The following SPEF2 variants were observed in gnomAD, a reference collection of about 807,000 sequenced individuals.
SPEF2 encodes the protein sperm flagellar and cilia associated 2.
In SPEF2, 187 loss-of-function variants were observed where a neutral mutation model predicts 224.6. That is an observed-to-expected ratio of 0.83 (90% CI 0.74 to 0.94). The LOEUF is 0.94. SPEF2 is among the 40% of genes least tolerant of loss of function. The pLI, the probability that SPEF2 is intolerant of heterozygous loss-of-function variation, is 0.00. For synonymous variants in SPEF2, 715 were observed against 707.3 expected, an observed-to-expected ratio of 1.01 and a Z score of -0.17; for missense variants, 2,170 against 2,135.6, an observed-to-expected ratio of 1.02 and a Z score of -0.32.
At position 35,710,678 on chromosome 5, in the gene SPEF2, A is replaced by AG. The variant is rs1282016418; in HGVS notation, c.2839+1558dup. 7.1e-6 allele frequency: 7 copies of AG among 985,356 alleles called. No homozygotes were observed. In the South Asian group the frequency reaches 2.8e-4, roughly 40 times the overall value. The allele number at this position is 985,356 out of a possible 1,614,324, so 61.0% of individuals were successfully genotyped here. A position where few individuals can be genotyped will look rare whatever the true frequency, so the allele number is the denominator to read the frequency against. ...TGACTCTAGGTTAAAGCTCCTCCTCAGCTTGCTCCAGTCAAGAGTATCTAT... is the reference window on the plus strand; with the variant it reads ...TGACTCTAGGTTAAAGCTCCTCCTCAGGCTTGCTCCAGTCAAGAGTATCTAT... On this transcript the variant is annotated intron_variant, in intron 19 of 36. Coordinates refer to ENST00000356031, the MANE Select transcript of SPEF2 (RefSeq NM_024867.4).
At chr5:35,625,245 T>C (rs757409830) in intron 1 of SPEF2, among the ~76,000 whole-genome samples, 23 of 152,222 alleles carry the variant, frequency 1.5e-4, no homozygotes, top group Non-Finnish European at 2.5e-4. Context: ...TTTACTATTG[T>C]TCTTTAACCT....
At chr5:35,760,842 TTAAAA>T (rs1457595538) in intron 25 of SPEF2, among the ~76,000 whole-genome samples, 3 of 151,990 alleles carry the variant, frequency 2.0e-5, no homozygotes, top group South Asian at 2.1e-4. Flanking sequence ...AAAGTAAGAA[TTAAAA>T]TAAAGCAATT....
At chr5:35,675,143 C>G (rs181237696) in intron 10 of SPEF2, among the ~76,000 whole-genome samples, 16 of 152,268 alleles carry the variant, frequency 1.1e-4, no homozygotes, top group Admixed American at 7.8e-4. Context: ...AGAGTAAGCA[C>G]TTGCTTATAT....
At chr5:35,634,625 A>G (rs1200254609) in intron 2 of SPEF2, among the ~76,000 whole-genome samples, 2 of 152,036 alleles carry the variant, frequency 1.3e-5, no homozygotes, top group East Asian at 3.9e-4. Context: ...TCATTCTCCA[A>G]TTATGTGTAT....
Position 35,801,843 on chromosome 5 carries a change from T to C in SPEF2, c.5010+1696T>C, listed in dbSNP as rs1205178986. Among the ~76,000 whole-genome samples the C allele has an allele frequency of 2.0e-5, 3 of 152,204 alleles. No individual in the cohort carries two copies. In the East Asian group the frequency reaches 5.8e-4, roughly 29 times the overall value. ...CTAAGCACCCTGTGGACCAGGAGTT[T>C]GGTGGGGAGGAGGCATCTGTTTTGT... On this transcript the variant is annotated intron_variant, in intron 34 of 36. Coordinates refer to ENST00000356031, the MANE Select transcript of SPEF2 (RefSeq NM_024867.4).
intron 8 of SPEF2, among the ~76,000 whole-genome samples, chr5:35,665,956 T>C (rs1185796537): frequency 6.6e-6 from 1 of 152,194 alleles, no homozygotes; most frequent in African/African-American, 2.4e-5. Context: ...CAATCCATTG[T>C]CACACATCTA....
intron 29 of SPEF2, among the ~76,000 whole-genome samples, chr5:35,777,611 C>A (rs1363212780): frequency 6.6e-6 from 1 of 151,752 alleles, no homozygotes; most frequent in African/African-American, 2.4e-5. Context: ...TGTGAATCTA[C>A]AGATGCTGTC....
chr5:35,713,868 A>G (rs1270537232), intron 20 of SPEF2, among the ~76,000 whole-genome samples: 4 of 1,890 alleles, frequency 2.1e-3, no homozygotes, highest in East Asian at 0.011. Context: ...TATATATAGT[A>G]TTATATATTT....
rs955466409 is a variant in SPEF2 at position 35,788,289 on chromosome 5, C to G, written c.4448-4051C>G. The G allele has an allele frequency of 5.7e-6, 4 of 702,674 alleles. No individual in the cohort carries two copies. The African/African-American group carries it at 7.0e-5, about 12-fold the overall frequency. 43.5% of individuals were successfully genotyped at this position (702,674 alleles called of 1,614,324 possible). A position where few individuals can be genotyped will look rare whatever the true frequency, so the allele number is the denominator to read the frequency against. Reference sequence around the variant, plus strand: ...CATGCTATTGCCAAGACCGGACGTCCCCTCAAAGATTTTATTTGGATGTGC... The same window carrying G: ...CATGCTATTGCCAAGACCGGACGTCGCCTCAAAGATTTTATTTGGATGTGC... On this transcript the variant is annotated intron_variant, in intron 30 of 36. Coordinates refer to ENST00000356031, the MANE Select transcript of SPEF2 (RefSeq NM_024867.4).
chr5:35,709,265 A>C (rs1368483037), intron 19 of SPEF2, 144 bp downstream of exon 19: 2 of 1,466,172 alleles, frequency 1.4e-6, no homozygotes, highest in Non-Finnish European at 1.8e-6. Flanking sequence ...TGGAAGTGGA[A>C]AAGCCCTCGG....
chr5:35,762,863 G>C (rs577129681), intron 25 of SPEF2, among the ~76,000 whole-genome samples: 4 of 152,278 alleles, frequency 2.6e-5, no homozygotes, highest in Admixed American at 1.3e-4. Context: ...AGGGAAGAGG[G>C]AGGGAGAGCT....
chr5:35,727,781 A>G lies in SPEF2; in HGVS notation c.3021A>G (p.Pro1007=). The G allele has an allele frequency of 6.2e-7, 1 of 1,614,030 alleles. No homozygotes were observed. The change falls in exon 21 of 37, where the codon CCA becomes CCG. Residue 1007 remains proline, a synonymous_variant. Transcript: ENST00000356031. The part of the protein sequence containing the change: ...PVAIVPQPPK[P]GSEEWVYVNE... ...CAATAGTGCCACAGCCACCTAAGCC[A>G]GGATCAGAAGAATGGGTCTATGTGA...
chr5:35,734,677 A>G (rs550928964), intron 21 of SPEF2, among the ~76,000 whole-genome samples: 2 of 148,268 alleles, frequency 1.3e-5, no homozygotes, highest in East Asian at 4.0e-4. Context: ...TCACTTCACA[A>G]CACTTAGTAT....
At chr5:35,631,654 G>A (rs1038238673) in intron 2 of SPEF2, among the ~76,000 whole-genome samples, 10 of 152,264 alleles carry the variant, frequency 6.6e-5, no homozygotes, top group South Asian at 2.1e-4. Context: ...ATAACACAAC[G>A]TTCATAGCAG....
intron 23 of SPEF2, among the ~76,000 whole-genome samples, chr5:35,746,317 G>A (rs545610169): frequency 6.6e-6 from 1 of 152,140 alleles, no homozygotes; most frequent in East Asian, 1.9e-4. Flanking sequence ...TCCAAACCAA[G>A]AAATCCCTGA....
intron 34 of SPEF2, among the ~76,000 whole-genome samples, chr5:35,805,619 A>G (rs893825035): frequency 9.9e-5 from 15 of 152,206 alleles, no homozygotes; most frequent in African/African-American, 3.1e-4. Flanking sequence ...ATTGAAACAT[A>G]CATACATACA....
chr5:35,777,726 C>T (rs1753792089), intron 29 of SPEF2, among the ~76,000 whole-genome samples: 1 of 147,972 alleles, frequency 6.8e-6, no homozygotes, highest in Non-Finnish European at 1.5e-5. Context: ...TGGCAGATCC[C>T]TTTGACCTTC....
intron 12 of SPEF2, among the ~76,000 whole-genome samples, chr5:35,693,033 C>T (rs982893943): frequency 1.3e-5 from 2 of 152,056 alleles, no homozygotes; most frequent in African/African-American, 4.8e-5. Flanking sequence ...TAGTAGCCAT[C>T]AGCTGGAGCC....
intron 20 of SPEF2, among the ~76,000 whole-genome samples, chr5:35,720,788 G>A (rs1743510240): frequency 6.6e-6 from 1 of 152,134 alleles, no homozygotes. Flanking sequence ...ACCTAAACCT[G>A]TCAAACAATC....
Sources: allele counts gnomAD v4.1 joint callset (sites outside exome capture counted in the v4.1 genomes callset), GRCh38; gene constraint gnomAD v4.1.1; transcripts MANE v1.5; gene names NCBI Gene and HGNC (gene_info 2026-07-23, HGNC 2026-07-21).